The following SLC29A4 variants were observed in gnomAD, a reference collection of about 807,000 sequenced individuals.
The protein encoded by SLC29A4 is equilibrative nucleoside transporter 4.
SLC29A4 carries 36 observed loss-of-function variants against 43.9 expected under a neutral mutation model. The ratio of observed to expected loss-of-function variants is 0.82; its 90% CI spans 0.63 to 1.08. The LOEUF (loss-of-function observed/expected upper bound fraction) is 1.08. SLC29A4 is among the 50% of genes least tolerant of loss of function. SLC29A4 has a pLI of 0.00. For synonymous variants in SLC29A4, 491 were observed against 338.0 expected, an observed-to-expected ratio of 1.45 and a Z score of -4.97; for missense variants, 869 against 755.3, an observed-to-expected ratio of 1.15 and a Z score of -1.77.
intron 10 of SLC29A4, among the ~76,000 whole-genome samples, chr7:5,301,042 T>C (rs1200626443): frequency 6.6e-6 from 1 of 152,126 alleles, no homozygotes; most frequent in Non-Finnish European, 1.5e-5. Context: ...GTGGATCACT[T>C]GAGCCCAGGA....
At position 5,300,653 on chromosome 7, in the gene SLC29A4, G is replaced by C. The variant is rs754490927; in HGVS notation, c.1441G>C (p.Glu481Gln). The C allele has an allele frequency of 1.2e-6, 2 of 1,608,312 alleles. No individual in the cohort carries two copies. Among genetic ancestry groups the C allele is most frequent in the South Asian group, 1.1e-5 (1 of 90,806 alleles). ...AGGCAAAGTGAGCCCCAAGCAGCGG[G>C]AGCTGGCAGGTGAGGCCCGCGGGAC... ...AAGKVSPKQR[E>Q]LAGNTMTVSY... Residue 481 changes from glutamate to glutamine, a missense_variant, in exon 10 of 11, where the codon GAG (glutamate) becomes CAG (glutamine). Transcript: ENST00000396872.
intron 2 of SLC29A4, among the ~76,000 whole-genome samples, chr7:5,289,271 C>T (rs1297016411): frequency 1.3e-5 from 2 of 152,120 alleles, no homozygotes; most frequent in Non-Finnish European, 2.9e-5. Flanking sequence ...GTGGCACACG[C>T]CTGTAATCCC....
At chr7:5,288,182 C>T (rs1003322415) in intron 2 of SLC29A4, among the ~76,000 whole-genome samples, 197 bp downstream of exon 2, 4 of 152,172 alleles carry the variant, frequency 2.6e-5, no homozygotes, top group African/African-American at 9.7e-5. Context: ...TGCTGCATGT[C>T]CCTGCTGGGG....
At chr7:5,283,821 C>G (rs1784800754) in intron 1 of SLC29A4, among the ~76,000 whole-genome samples, 1 of 152,204 alleles carries the variant, frequency 6.6e-6, no homozygotes, top group Non-Finnish European at 1.5e-5. Flanking sequence ...GCCGGGAGTG[C>G]GAGCCCAGGC....
At chr7:5,296,290 C>G (rs911066934) in intron 6 of SLC29A4, among the ~76,000 whole-genome samples, 1 of 151,632 alleles carries the variant, frequency 6.6e-6, no homozygotes, top group Non-Finnish European at 1.5e-5. Context: ...CATCCTCTTC[C>G]CACCCTGCGC....
intron 5 of SLC29A4, among the ~76,000 whole-genome samples, chr7:5,293,652 T>G (rs1415264771): frequency 2.6e-5 from 4 of 152,166 alleles, no homozygotes; most frequent in African/African-American, 9.7e-5. Flanking sequence ...TGACTAGATT[T>G]TATTTTTTTA....
chr7:5,291,954 C>T (rs1215940263), intron 5 of SLC29A4, 133 bp downstream of exon 5: 1 of 1,299,722 alleles, frequency 7.7e-7, no homozygotes, highest in African/African-American at 1.5e-5. Context: ...GTGTGTCCAC[C>T]TGCATGCCAG....
chr7:5,289,937 G>T (rs1785198362), intron 2 of SLC29A4, among the ~76,000 whole-genome samples: 2 of 152,068 alleles, frequency 1.3e-5, no homozygotes, highest in African/African-American at 2.4e-5. Flanking sequence ...CCAGGCTGGA[G>T]TGCAGTGGCC....
At chr7:5,283,643 C>CG (rs1316941327) in intron 1 of SLC29A4, among the ~76,000 whole-genome samples, 4 of 152,152 alleles carry the variant, frequency 2.6e-5, no homozygotes, top group African/African-American at 4.8e-5. Context: ...CATCGGTCCC[C>CG]GGGGGGCTGC....
chr7:5,290,105 G>A (rs1171021449), intron 2 of SLC29A4, among the ~76,000 whole-genome samples: 2 of 148,798 alleles, frequency 1.3e-5, no homozygotes, highest in Non-Finnish European at 3.0e-5. Context: ...CCAGGTTGGA[G>A]TGCAGTGGCG....
At chr7:5,288,094 C>G (rs1285171090) in intron 2 of SLC29A4, 109 bp downstream of exon 2, 7 of 1,374,658 alleles carry the variant, frequency 5.1e-6, no homozygotes, top group African/African-American at 4.4e-5. Context: ...TCATGGAGGA[C>G]TGGAGGCAGT....
rs1785720121 is a variant in SLC29A4 at position 5,296,933 on chromosome 7, C to T, written c.620-3C>T. 7 of 1,527,732 alleles carry T rather than the reference C, an allele frequency of 4.6e-6. No individual in the cohort carries two copies. Among genetic ancestry groups the T allele is most frequent in the Non-Finnish European group, 5.3e-6 (6 of 1,124,772 alleles). The allele number at this position is 1,527,732 out of a possible 1,614,324, so 94.6% of individuals were successfully genotyped here. On this transcript the variant is annotated splice_polypyrimidine_tract_variant and splice_region_variant and intron_variant, in intron 6 of 10. Coordinates refer to ENST00000396872, the MANE Select transcript of SLC29A4 (RefSeq NM_153247.4). ...GCCCCGGCCCACTGTGCACGCCCCCCAGGCACGGCGGGCGTGATGATCTCT... is the reference window on the plus strand; with the variant it reads ...GCCCCGGCCCACTGTGCACGCCCCCTAGGCACGGCGGGCGTGATGATCTCT...
chr7:5,290,479 G>A (rs187790998), intron 2 of SLC29A4, among the ~76,000 whole-genome samples: 2 of 152,354 alleles, frequency 1.3e-5, no homozygotes, highest in East Asian at 3.9e-4. Context: ...TTACAGACGT[G>A]AGCTGGTTTC....
intron 5 of SLC29A4, among the ~76,000 whole-genome samples, chr7:5,292,718 T>TTTTTTTTTTTTTTTTA (rs1785386187): frequency 7.8e-6 from 1 of 127,480 alleles, no homozygotes; most frequent in Non-Finnish European, 1.7e-5. Context: ...TTTTTTTTTT[T>TTTTTTTTTTTTTTTTA]GAGACAGTCT....
At chr7:5,302,616 G>A (rs1409923726) in intron 10 of SLC29A4, among the ~76,000 whole-genome samples, 181 bp from the exon 11 acceptor site, 1 of 152,192 alleles carries the variant, frequency 6.6e-6, no homozygotes, top group Non-Finnish European at 1.5e-5. Context: ...AGATGGCCTC[G>A]GGAAGAAGGA....
In SLC29A4 at chr7:5,294,855, T is replaced by TC. The variant is rs10623123; in HGVS notation, c.545-5_545-4insC. ...TCTGGGTTGTTCCTCTCTCTCTCTC[T>TC]TAAGTGCAGCAATCCAGCTTCTACG... On this transcript the variant is annotated splice_polypyrimidine_tract_variant and splice_region_variant and intron_variant, in intron 5 of 10. Transcript: ENST00000396872. 63 of 1,612,144 alleles carry TC rather than the reference T, an allele frequency of 3.9e-5. No homozygotes were observed. Among genetic ancestry groups the TC allele is most frequent in the South Asian group, 8.8e-5 (8 of 91,022 alleles).
Position 5,291,681 on chromosome 7 carries a change from C to T in SLC29A4, c.416-12C>T, listed in dbSNP as rs758836577. ...GCTCCACCACTCCCCTCACTAGCCT[C>T]TCCCCCAACAGGCTACCTCTTAGCC... On this transcript the variant is annotated splice_polypyrimidine_tract_variant and intron_variant, in intron 4 of 10. Transcript: ENST00000396872. 1.2e-5 allele frequency: 19 copies of T among 1,595,898 alleles called. No individual in the cohort carries two copies. The highest frequency in any genetic ancestry group is 1.5e-5 in the Non-Finnish European group (17 of 1,171,058).
At chr7:5,292,817 G>A (rs1309751422) in intron 5 of SLC29A4, among the ~76,000 whole-genome samples, 1 of 141,462 alleles carries the variant, frequency 7.1e-6, no homozygotes, top group Non-Finnish European at 1.5e-5. Context: ...TCCTGTCTCA[G>A]CCTCCCAAGT....
intron 2 of SLC29A4, among the ~76,000 whole-genome samples, chr7:5,288,741 CTG>C (rs1348676644): frequency 6.6e-6 from 1 of 152,140 alleles, no homozygotes; most frequent in East Asian, 1.9e-4. Context: ...TTCAGCCCAG[CTG>C]TGTGACGTTA....
Sources: gnomAD v4.1 joint callset for allele counts (sites outside exome capture counted in the v4.1 genomes callset) on GRCh38, gnomAD v4.1.1 for gene constraint, MANE v1.5 for transcripts, NCBI Gene and HGNC (gene_info 2026-07-23, HGNC 2026-07-21) for gene names.